Variants in FKTN observed in about 807,000 individuals in gnomAD.
FKTN encodes the protein fukutin, also known as ribitol-5-phosphate transferase FKTN.
FKTN carries 47 observed loss-of-function variants against 58.6 expected under a neutral mutation model. The ratio of observed to expected loss-of-function variants is 0.80; its 90% CI spans 0.63 to 1.02. The LOEUF (loss-of-function observed/expected upper bound fraction) is 1.02, where lower values mean the gene tolerates loss of function less well. Ranked by LOEUF, FKTN falls within the 50% of genes least tolerant of loss-of-function variation. The probability of loss-of-function intolerance (pLI) is 0.00; values close to 1 mark genes in which losing one functional copy is unlikely to be tolerated. For missense variants in FKTN, 516 were observed against 537.3 expected (o/e 0.96, Z 0.39); for synonymous variants, 178 against 191.9 (o/e 0.93, Z 0.60).
At position 105,638,915 on chromosome 9, in the gene FKTN, G is replaced by A; in HGVS notation, c.*3651G>A. Reference sequence around the variant, plus strand: ...GGCAGGATATTACATAGGTAAGCAGGAATTTATACATTGGGTACCAGAGCT... The same window carrying A: ...GGCAGGATATTACATAGGTAAGCAGAAATTTATACATTGGGTACCAGAGCT... On this transcript the variant is annotated 3_prime_UTR_variant, in exon 11 of 11. Coordinates refer to ENST00000357998, the MANE Select transcript of FKTN (RefSeq NM_001079802.2). 3 of 985,236 alleles carry A rather than the reference G, an allele frequency of 3.0e-6. No homozygotes were observed. Among genetic ancestry groups the A allele is most frequent in the Non-Finnish European group, 3.6e-6 (3 of 829,856 alleles). The allele number at this position is 985,236 out of a possible 1,614,324, so 61.0% of individuals were successfully genotyped here. A position where few individuals can be genotyped will look rare whatever the true frequency, so the allele number is the denominator to read the frequency against.
chr9:105,607,673 T>C, intron 6 of FKTN, 146 bp from the exon 7 acceptor site: 1 of 647,156 alleles, frequency 1.5e-6, no homozygotes, highest in Admixed American at 2.3e-5. Flanking sequence ...GTTTGTTACA[T>C]AGGTATACAT....
chr9:105,617,361 T>C (rs377677243), intron 8 of FKTN, among the ~76,000 whole-genome samples: 7 of 152,280 alleles, frequency 4.6e-5, no homozygotes, highest in Middle Eastern at 3.4e-3. Flanking sequence ...GTGTTGAACA[T>C]TGAAGCTGCT....
chr9:105,567,812 A>G (rs1839959634), intron 1 of FKTN, among the ~76,000 whole-genome samples: 1 of 152,216 alleles, frequency 6.6e-6, no homozygotes, highest in Admixed American at 6.5e-5. Context: ...ATATGGAAGC[A>G]AAAAAGAGCC....
At chr9:105,565,861 A>G (rs1242488831) in intron 1 of FKTN, among the ~76,000 whole-genome samples, 1 of 152,208 alleles carries the variant, frequency 6.6e-6, no homozygotes, top group East Asian at 1.9e-4. Context: ...TCTCAGCACC[A>G]CACCACACTT....
chr9:105,612,786 G>A (rs1023369387), intron 7 of FKTN, among the ~76,000 whole-genome samples: 2 of 152,206 alleles, frequency 1.3e-5, no homozygotes, highest in South Asian at 4.1e-4. Flanking sequence ...GCAACATGGC[G>A]AAACCCCGGC....
intron 1 of FKTN, among the ~76,000 whole-genome samples, chr9:105,564,831 C>T (rs909376788): frequency 2.0e-5 from 3 of 152,082 alleles, no homozygotes; most frequent in Admixed American, 6.5e-5. Context: ...AGAGCAACTC[C>T]AAAACACGTA....
intron 3 of FKTN, among the ~76,000 whole-genome samples, chr9:105,589,427 A>G (rs1296151653): frequency 1.3e-5 from 2 of 149,388 alleles, no homozygotes; most frequent in Non-Finnish European, 3.0e-5. Flanking sequence ...GCTTGAACCC[A>G]GGAGGCGGAG....
At chr9:105,566,346 T>A (rs1159471772) in intron 1 of FKTN, among the ~76,000 whole-genome samples, 2 of 151,908 alleles carry the variant, frequency 1.3e-5, no homozygotes, top group Non-Finnish European at 2.9e-5. Context: ...CTTCAAAAAA[T>A]CAATGAATTC....
intron 4 of FKTN, chr9:105,598,816 T>C (rs77876314): frequency 6.6e-6 from 1 of 152,120 alleles, no homozygotes. Context: ...TGAGATCCAT[T>C]CAACAAACAT....
intron 1 of FKTN, among the ~76,000 whole-genome samples, chr9:105,569,216 C>T (rs1418252354): frequency 6.6e-6 from 1 of 151,938 alleles, no homozygotes. Flanking sequence ...TACAGCACAC[C>T]AACATGGCAC....
rs540335935 is a variant in FKTN, at chr9:105,567,970, C to A, written c.-180-5685C>A. On this transcript the variant is annotated intron_variant, in intron 1 of 10. Transcript: ENST00000357998. ...TATAGAACAATGGAACAGAACGGAG[C>A]CCTCAGAAGTAATACCACACATCTA... Among the ~76,000 whole-genome samples, 6 of 152,234 alleles carry A rather than the reference C, an allele frequency of 3.9e-5. No individual in the cohort carries two copies. In the South Asian group the frequency reaches 1.2e-3, roughly 32 times the overall value.
Position 105,636,996 on chromosome 9 carries a change from C to CA in FKTN, c.*1735dup, listed in dbSNP as rs1834089875. The CA allele has an allele frequency of 2.0e-6, 2 of 999,922 alleles. No homozygotes were observed. Among genetic ancestry groups the CA allele is most frequent in the South Asian group, 8.3e-5 (2 of 24,094 alleles). The allele number at this position is 999,922 out of a possible 1,614,324, so 61.9% of individuals were successfully genotyped here. The stretch of plus-strand genomic sequence containing the variant: ...TTCTGGAGACATTTAAGATTGTCAG[C>CA]AAACTTGTCCCAAAATGGCACATCA... On this transcript the variant is annotated 3_prime_UTR_variant, in exon 11 of 11. Transcript: ENST00000357998.
intron 10 of FKTN, chr9:105,624,374 T>C (rs1832469321): frequency 6.6e-6 from 1 of 152,168 alleles, no homozygotes; most frequent in South Asian, 2.1e-4. Flanking sequence ...ATGCCTTTAA[T>C]CCCAGCACTT....
intron 1 of FKTN, among the ~76,000 whole-genome samples, chr9:105,562,190 C>G (rs1035061375): frequency 6.6e-6 from 1 of 152,248 alleles, no homozygotes; most frequent in Non-Finnish European, 1.5e-5. Context: ...AGTAAAGAAA[C>G]AGCTTACTTA....
intron 3 of FKTN, among the ~76,000 whole-genome samples, chr9:105,585,611 G>C (rs1455704217): frequency 1.3e-5 from 2 of 152,146 alleles, no homozygotes; most frequent in Non-Finnish European, 2.9e-5. Context: ...GTTTAGTGAA[G>C]TATAGATGCA....
chr9:105,560,891 A>G (rs1185500361), intron 1 of FKTN, among the ~76,000 whole-genome samples: 3 of 152,144 alleles, frequency 2.0e-5, no homozygotes, highest in Non-Finnish European at 2.9e-5. Flanking sequence ...GATCAAGACC[A>G]TCCTGGCCAG....
chr9:105,581,412 T>TG (rs1270937097), intron 3 of FKTN, among the ~76,000 whole-genome samples: 2 of 148,668 alleles, frequency 1.3e-5, no homozygotes, highest in East Asian at 3.9e-4. Context: ...GCAGGTCTGT[T>TG]GGAGTACCCT....
At position 105,635,513 on chromosome 9, in the gene FKTN, C is replaced by T. The variant is rs1373003168; in HGVS notation, c.*249C>T. On this transcript the variant is annotated 3_prime_UTR_variant, in exon 11 of 11. Transcript: ENST00000357998. Reference sequence around the variant, plus strand: ...AGACAAATACCTACTTCTTTTATTCCTCCTTTTGGTAAACAACTCAATTTT... The same window carrying T: ...AGACAAATACCTACTTCTTTTATTCTTCCTTTTGGTAAACAACTCAATTTT... 1.1e-5 allele frequency: 15 copies of T among 1,367,064 alleles called. No homozygotes were observed. In the Admixed American group the frequency reaches 4.3e-4, roughly 39 times the overall value. The allele number at this position is 1,367,064 out of a possible 1,614,324, so 84.7% of individuals were successfully genotyped here. A position where few individuals can be genotyped will look rare whatever the true frequency, so the allele number is the denominator to read the frequency against.
intron 1 of FKTN, among the ~76,000 whole-genome samples, chr9:105,563,606 G>T (rs865987189): frequency 3.3e-5 from 5 of 152,072 alleles, no homozygotes; most frequent in East Asian, 1.9e-4. Context: ...GCTGGGGGGG[G>T]GGGCACCCGC....
Sources: gnomAD v4.1 joint callset for allele counts (sites outside exome capture counted in the v4.1 genomes callset) on GRCh38, gnomAD v4.1.1 for gene constraint, MANE v1.5 for transcripts, NCBI Gene and HGNC (gene_info 2026-07-23, HGNC 2026-07-21) for gene names.